The following RBM24 variants were observed in gnomAD, a reference collection of about 807,000 sequenced individuals.
RBM24 encodes the protein RNA-binding protein 24.
Under a neutral mutation model 23.6 loss-of-function variants are expected in RBM24, and 5 were observed. That is an observed-to-expected ratio of 0.21 (90% confidence interval 0.11 to 0.45). The LOEUF is 0.45. Among genes scored for constraint, RBM24 ranks in the 20% least tolerant of loss-of-function variants. The probability of loss-of-function intolerance (pLI) is 0.99; values close to 1 mark genes in which losing one functional copy is unlikely to be tolerated. For synonymous variants in RBM24, 151 were observed against 129.5 expected, an observed-to-expected ratio of 1.17 and a Z score of -1.13; for missense variants, 252 against 314.6, an observed-to-expected ratio of 0.80 and a Z score of 1.51.
rs1400578698 is a variant in RBM24, at chr6:17,293,640, C to T, written c.*1521C>T. On this transcript the variant is annotated 3_prime_UTR_variant, in exon 4 of 4. Coordinates refer to ENST00000379052, the MANE Select transcript of RBM24 (RefSeq NM_001143942.2). The stretch of plus-strand genomic sequence containing the variant: ...TTAAACTAAATTGAATACTATTTTA[C>T]ACTGTATTGGATTTTTATACTTGAA... The T allele has an allele frequency of 2.0e-5, 3 of 152,534 alleles. No individual in the cohort carries two copies. The highest frequency in any genetic ancestry group is 2.9e-5 in the Non-Finnish European group (2 of 68,002). The allele number at this position is 152,534 out of a possible 1,614,324, so 9.4% of individuals were successfully genotyped here. A position where few individuals can be genotyped will look rare whatever the true frequency, so the allele number is the denominator to read the frequency against.
chr6:17,287,385 C>G (rs533695438), intron 3 of RBM24, among the ~76,000 whole-genome samples: 1 of 152,306 alleles, frequency 6.6e-6, no homozygotes, highest in African/African-American at 2.4e-5. Flanking sequence ...TCTGATGTAG[C>G]ACAGTGGGCA....
At chr6:17,289,382 C>T (rs189070182) in intron 3 of RBM24, 73 of 985,252 alleles carry the variant, frequency 7.4e-5, no homozygotes, top group African/African-American at 4.0e-4. Context: ...GCCTTCCAGA[C>T]GTCTCTTTAA....
At chr6:17,287,181 A>G (rs912311123) in intron 3 of RBM24, among the ~76,000 whole-genome samples, 15 of 152,172 alleles carry the variant, frequency 9.9e-5, no homozygotes, top group African/African-American at 3.6e-4. Context: ...CTAACAAATC[A>G]CACCTGGTCA....
intron 1 of RBM24, chr6:17,282,093 T>A: frequency 3.3e-6 from 4 of 1,228,072 alleles, no homozygotes; most frequent in Non-Finnish European, 4.1e-6. Context: ...GGATGCCGGT[T>A]GTTAAGCGCG....
At position 17,292,229 on chromosome 6, in the gene RBM24, C is replaced by A. The variant is rs563588471; in HGVS notation, c.*110C>A. The A allele has an allele frequency of 3.7e-5, 35 of 945,950 alleles. No homozygotes were observed. The highest frequency in any genetic ancestry group is 2.8e-4 in the African/African-American group (17 of 60,102). 58.6% of individuals were successfully genotyped at this position (945,950 alleles called of 1,614,324 possible). On this transcript the variant is annotated 3_prime_UTR_variant, in exon 4 of 4. Transcript: ENST00000379052. ...GACTTAACAGCTTTAAAAAAAAAAA[C>A]AGCCATGCTATTGTGAAGCAGAGTT...
chr6:17,283,744 C>G (rs538985439), intron 2 of RBM24, among the ~76,000 whole-genome samples: 2 of 152,292 alleles, frequency 1.3e-5, no homozygotes, highest in African/African-American at 4.8e-5. Flanking sequence ...AACATAAAAT[C>G]ACAGAGTATT....
intron 3 of RBM24, chr6:17,289,655 G>A: frequency 1.0e-6 from 1 of 985,380 alleles, no homozygotes; most frequent in Non-Finnish European, 1.2e-6. Context: ...GAGAGTACAA[G>A]GGGTTAAGGT....
chr6:17,282,220 G>A (rs946159488), intron 1 of RBM24: 7 of 1,290,906 alleles, frequency 5.4e-6, no homozygotes, highest in African/African-American at 3.0e-5. Context: ...AACTGCAAAG[G>A]TAGGTTCTTT....
At position 17,293,280 on chromosome 6, in the gene RBM24, A is replaced by T. The variant is rs1419614956; in HGVS notation, c.*1161A>T. ...TCTAAAGAAAGGAACTTTAGATGTG[A>T]CACTGTAAAATTATGTATTCATCTC... is the stretch of plus-strand genomic sequence containing the variant. On this transcript the variant is annotated 3_prime_UTR_variant, in exon 4 of 4. Transcript: ENST00000379052. The T allele has an allele frequency of 6.6e-6, 1 of 152,638 alleles. No homozygotes were observed. The highest frequency in any genetic ancestry group is 1.9e-4 in the East Asian group (1 of 5,198). The allele number at this position is 152,638 out of a possible 1,614,324, so 9.5% of individuals were successfully genotyped here.
At chr6:17,286,004 T>A (rs1760183523) in intron 3 of RBM24, among the ~76,000 whole-genome samples, 1 of 152,192 alleles carries the variant, frequency 6.6e-6, no homozygotes, top group Admixed American at 6.5e-5. Context: ...AACATCTACC[T>A]GTGTAACCTG....
At position 17,285,581 on chromosome 6, in the gene RBM24, C is replaced by T. The variant is rs112973942; in HGVS notation, c.347+870C>T. ...TGGGAAATTTTCTGGGAATGGGGTT[C>T]TTTCTTTTGCAATGTGTATCCACTT... On this transcript the variant is annotated intron_variant, in intron 3 of 3. Transcript: ENST00000379052. Among the ~76,000 whole-genome samples, 236 of 152,248 alleles carry T rather than the reference C, an allele frequency of 1.6e-3. 2 individuals are homozygous for T. Among genetic ancestry groups the T allele is most frequent in the African/African-American group, 5.2e-3 (216 of 41,552 alleles).
intron 3 of RBM24, among the ~76,000 whole-genome samples, chr6:17,287,438 T>C (rs77070610): frequency 6.6e-6 from 1 of 152,220 alleles, no homozygotes; most frequent in East Asian, 1.9e-4. Flanking sequence ...TATTTTATAG[T>C]TTATGGTTGA....
chr6:17,282,781 T>C, intron 1 of RBM24, 24 bp from the exon 2 acceptor site: 1 of 1,613,846 alleles, frequency 6.2e-7, no homozygotes, highest in South Asian at 1.1e-5. Context: ...TATGTATGTA[T>C]GTCTGTGTGT....
intron 3 of RBM24, chr6:17,288,152 C>T (rs1760252369): frequency 2.9e-6 from 2 of 684,518 alleles, no homozygotes; most frequent in South Asian, 6.6e-5. Context: ...GTGTTAGAGG[C>T]TGAGTCTAGA....
intron 3 of RBM24, among the ~76,000 whole-genome samples, chr6:17,286,393 A>G (rs980998522): frequency 7.9e-5 from 12 of 152,262 alleles, no homozygotes; most frequent in Admixed American, 6.5e-4. Flanking sequence ...AGGAGAGCAT[A>G]TATCTGAAGG....
At chr6:17,283,415 T>C (rs1760092481) in intron 2 of RBM24, among the ~76,000 whole-genome samples, 1 of 152,072 alleles carries the variant, frequency 6.6e-6, no homozygotes, top group Admixed American at 6.5e-5. Flanking sequence ...GTCCAAATGG[T>C]AAAGGTTTTG....
rs1333570681 is a variant in RBM24 at position 17,281,663 on chromosome 6, C to A, written c.82C>A (p.Arg28Ser). ...LPYHTTDASL[R>S]KYFEVFGEIE... ...CTACCACACCACCGACGCCAGCCTG[C>A]GCAAGTACTTCGAGGTCTTCGGCGA... The change falls in exon 1 of 4, where the codon CGC becomes AGC. Residue 28 changes from arginine to serine, a missense_variant. Coordinates refer to ENST00000379052, the MANE Select transcript of RBM24 (RefSeq NM_001143942.2). The surrounding 1 kb of genome is among the most constrained non-coding windows in gnomAD (Gnocchi z 7.1). The A allele has an allele frequency of 1.9e-6, 3 of 1,550,758 alleles. No individual in the cohort carries two copies. The highest frequency in any genetic ancestry group is 1.2e-5 in the South Asian group (1 of 84,040).
rs1426715204 is a variant in RBM24, at chr6:17,292,310, G to C, written c.*191G>C. 2 of 447,712 alleles carry C rather than the reference G, an allele frequency of 4.5e-6. No individual in the cohort carries two copies. The highest frequency in any genetic ancestry group is 8.4e-5 in the Admixed American group (2 of 23,876). 27.7% of individuals were successfully genotyped at this position (447,712 alleles called of 1,614,324 possible). A position where few individuals can be genotyped will look rare whatever the true frequency, so the allele number is the denominator to read the frequency against. ...TAGATGAGAAAGAGGTAAGAATGAG[G>C]GGAATGGGCACAATTTTGGAAATCA... On this transcript the variant is annotated 3_prime_UTR_variant, in exon 4 of 4. Coordinates refer to ENST00000379052, the MANE Select transcript of RBM24 (RefSeq NM_001143942.2).
intron 2 of RBM24, 66 bp downstream of exon 2, chr6:17,282,994 T>C: frequency 8.7e-7 from 1 of 1,149,448 alleles, no homozygotes; most frequent in Non-Finnish European, 1.3e-6. Context: ...GGGATGATTC[T>C]CTAATTTAGA....
Sources: gnomAD v4.1 joint callset for allele counts (sites outside exome capture counted in the v4.1 genomes callset) on GRCh38, gnomAD v4.1.1 for gene constraint, Gnocchi (gnomAD v3.1) non-coding constraint, MANE v1.5 for transcripts, NCBI Gene and HGNC (gene_info 2026-07-23, HGNC 2026-07-21) for gene names.